The following AP3S1 variants were observed in gnomAD, a reference collection of about 807,000 sequenced individuals.
AP3S1 encodes adaptor related protein complex 3 subunit sigma 1.
In AP3S1, 12 loss-of-function variants were observed where a neutral mutation model predicts 21.3. The observed-to-expected ratio is 0.56, with a 90% CI of 0.36 to 0.91. The LOEUF (loss-of-function observed/expected upper bound fraction) is 0.91, where lower values mean the gene tolerates loss of function less well. AP3S1 is among the 40% of genes least tolerant of loss of function. AP3S1 has a pLI of 0.01. For missense variants in AP3S1, 116 were observed against 225.0 expected (o/e 0.52, Z 3.10); for synonymous variants, 48 against 78.4 (o/e 0.61, Z 2.05).
intron 1 of AP3S1, among the ~76,000 whole-genome samples, chr5:115,843,940 AT>A (rs1314598259): frequency 6.6e-6 from 1 of 152,152 alleles, no homozygotes; most frequent in African/African-American, 2.4e-5. Flanking sequence ...CTCTGGTGGC[AT>A]TTTTGGCCAT....
At chr5:115,876,736 C>T (rs1030557260) in intron 3 of AP3S1, among the ~76,000 whole-genome samples, 1 of 152,176 alleles carries the variant, frequency 6.6e-6, no homozygotes, top group Non-Finnish European at 1.5e-5. Flanking sequence ...ATATACTGAT[C>T]CTTTTGATGA....
At chr5:115,859,714 C>T (rs1454328716) in intron 1 of AP3S1, among the ~76,000 whole-genome samples, 1 of 152,200 alleles carries the variant, frequency 6.6e-6, no homozygotes, top group Non-Finnish European at 1.5e-5. Flanking sequence ...TAGTGAACAG[C>T]TAACAGTTTT....
Position 115,863,319 on chromosome 5 carries a change from C to T in AP3S1, c.70-3351C>T, listed in dbSNP as rs1231612782. ...GGCTGAGGCAGGAGAATCGCTTGAACCCAGGAGGCGGAGGTTGCAGTGAGC... is the reference window on the plus strand; with the variant it reads ...GGCTGAGGCAGGAGAATCGCTTGAATCCAGGAGGCGGAGGTTGCAGTGAGC... On this transcript the variant is annotated intron_variant, in intron 1 of 5. Transcript: ENST00000316788. 2.0e-5 allele frequency among the ~76,000 whole-genome samples: 3 copies of T among 152,098 alleles called. No homozygotes were observed. In the East Asian group the frequency reaches 5.8e-4, roughly 29 times the overall value.
At chr5:115,860,113 C>T (rs1002286563) in intron 1 of AP3S1, among the ~76,000 whole-genome samples, 4 of 152,172 alleles carry the variant, frequency 2.6e-5, no homozygotes, top group Non-Finnish European at 2.9e-5. Flanking sequence ...CTAGAGGCCA[C>T]CCTCATTCCT....
chr5:115,862,982 G>A (rs1763312893), intron 1 of AP3S1, among the ~76,000 whole-genome samples: 1 of 152,250 alleles, frequency 6.6e-6, no homozygotes, highest in South Asian at 2.1e-4. Flanking sequence ...AAAATTCATG[G>A]TCAGGCACGG....
At position 115,913,278 on chromosome 5, in the gene AP3S1, C is replaced by G. The variant is rs1752242037; in HGVS notation, c.454-84C>G. On this transcript the variant is annotated intron_variant, in intron 5 of 5. Coordinates refer to ENST00000316788, the MANE Select transcript of AP3S1 (RefSeq NM_001284.4). ...AGCTTGTTATATGAAAATCTTTTAT[C>G]ATTGTCTTCCATTGTAAGTGTTTTA... is the stretch of plus-strand genomic sequence containing the variant. The G allele has an allele frequency of 1.2e-5, 12 of 991,796 alleles. No homozygotes were observed. The Middle Eastern group carries it at 8.3e-4, about 69-fold the overall frequency. The allele number at this position is 991,796 out of a possible 1,614,324, so 61.4% of individuals were successfully genotyped here. A position where few individuals can be genotyped will look rare whatever the true frequency, so the allele number is the denominator to read the frequency against.
chr5:115,852,955 G>T, intron 1 of AP3S1: 1 of 444,296 alleles, frequency 2.3e-6, no homozygotes, highest in South Asian at 1.6e-5. Flanking sequence ...ATTTTTCTGT[G>T]ACCATATATT....
intron 5 of AP3S1, among the ~76,000 whole-genome samples, chr5:115,907,898 CTGAT>C (rs1488801769): frequency 1.3e-5 from 2 of 152,022 alleles, no homozygotes; most frequent in East Asian, 1.9e-4. Context: ...TATAAGGTCT[CTGAT>C]TGAAAATTTC....
chr5:115,851,847 GTT>G (rs2112783158), intron 1 of AP3S1, among the ~76,000 whole-genome samples: 1 of 152,080 alleles, frequency 6.6e-6, no homozygotes, highest in African/African-American at 2.4e-5. Flanking sequence ...TGTTGTTGTT[GTT>G]GTTGTTGCTG....
intron 1 of AP3S1, among the ~76,000 whole-genome samples, chr5:115,844,335 T>C (rs548275677): frequency 1.3e-5 from 2 of 152,288 alleles, no homozygotes; most frequent in African/African-American, 4.8e-5. Flanking sequence ...TATTATAGCA[T>C]GCCAGATAGT....
At chr5:115,895,916 A>G (rs1285458283) in intron 4 of AP3S1, among the ~76,000 whole-genome samples, 1 of 152,192 alleles carries the variant, frequency 6.6e-6, no homozygotes, top group African/African-American at 2.4e-5. Flanking sequence ...AAGGTGAGAG[A>G]AAGAATGACA....
intron 4 of AP3S1, among the ~76,000 whole-genome samples, chr5:115,898,092 G>A (rs77371615): frequency 0.03 from 4,554 of 152,246 alleles, 242 homozygotes; most frequent in African/African-American, 0.1. Context: ...TATTCCACAT[G>A]CTGTCATTTT....
At chr5:115,899,997 G>T (rs1359387555) in intron 4 of AP3S1, among the ~76,000 whole-genome samples, 1 of 151,958 alleles carries the variant, frequency 6.6e-6, no homozygotes, top group African/African-American at 2.4e-5. Context: ...GCACAGTAGA[G>T]TTTCATATTT....
At chr5:115,875,758 A>G (rs779449210) in intron 3 of AP3S1, among the ~76,000 whole-genome samples, 2 of 152,158 alleles carry the variant, frequency 1.3e-5, no homozygotes, top group Non-Finnish European at 2.9e-5. Context: ...AGGTTATTTA[A>G]AACTTTCTGT....
chr5:115,853,218 A>G (rs78290499), intron 1 of AP3S1, among the ~76,000 whole-genome samples: 4,967 of 152,242 alleles, frequency 0.033, 287 homozygotes, highest in African/African-American at 0.11. Flanking sequence ...CATTTTCCTG[A>G]TGACAGATGA....
chr5:115,852,994 G>A lies in AP3S1; in HGVS notation c.69+10888G>A, dbSNP rs1311604641. On this transcript the variant is annotated intron_variant, in intron 1 of 5. Coordinates refer to ENST00000316788, the MANE Select transcript of AP3S1 (RefSeq NM_001284.4). ...ATTTCTCTAGGGTATATAACTGGGA[G>A]TAAAATTGCCAAATCATATGGTAAG... The A allele has an allele frequency of 1.0e-4, 46 of 453,646 alleles. 1 individual carries two copies. Among genetic ancestry groups the A allele is most frequent in the Middle Eastern group, 3.3e-4 (1 of 3,076 alleles). 28.1% of individuals were successfully genotyped at this position (453,646 alleles called of 1,614,324 possible).
chr5:115,869,703 A>G (rs985887430), intron 2 of AP3S1, among the ~76,000 whole-genome samples: 2 of 151,192 alleles, frequency 1.3e-5, no homozygotes, highest in African/African-American at 2.5e-5. Flanking sequence ...ACTTGCCACT[A>G]TCTGATGATG....
At chr5:115,902,352 G>C (rs1322950827) in intron 4 of AP3S1, among the ~76,000 whole-genome samples, 2 of 152,130 alleles carry the variant, frequency 1.3e-5, no homozygotes, top group Non-Finnish European at 2.9e-5. Flanking sequence ...TACATGTGTA[G>C]AGGATTTGGG....
chr5:115,841,987 GC>G lies in AP3S1; in HGVS notation c.-48del. The stretch of plus-strand genomic sequence containing the variant: ...CGAGATTACGAGGCGAGGCTCGCGC[GC>G]CCGCCCCCGCCCTGGCCCCCAGTGC... On this transcript the variant is annotated 5_prime_UTR_variant, in exon 1 of 6. Coordinates refer to ENST00000316788, the MANE Select transcript of AP3S1 (RefSeq NM_001284.4). 6.5e-7 allele frequency: 1 copy of G among 1,539,846 alleles called. No individual in the cohort carries two copies. The highest frequency in any genetic ancestry group is 2.0e-5 in the Admixed American group (1 of 49,444).
Sources: allele counts gnomAD v4.1 joint callset (sites outside exome capture counted in the v4.1 genomes callset), GRCh38; gene constraint gnomAD v4.1.1; transcripts MANE v1.5; gene names NCBI Gene and HGNC (gene_info 2026-07-23, HGNC 2026-07-21).